DHRSX: variants seen among roughly 807,000 people sequenced by gnomAD.
DHRSX encodes polyprenol dehydrogenase.
A neutral mutation model predicts 34.0 loss-of-function variants in DHRSX; 31 were observed. The ratio of observed to expected loss-of-function variants is 0.91; its 90% CI spans 0.69 to 1.23. The LOEUF (loss-of-function observed/expected upper bound fraction) is 1.23. DHRSX is among the 50% of genes most tolerant of loss of function. The pLI is 0.00. For synonymous variants in DHRSX, 201 were observed against 183.8 expected (o/e 1.09, Z -0.76); for missense variants, 414 against 428.1 (o/e 0.97, Z 0.29).
chrX:2,474,143 C>T (rs1424705002), intron 1 of DHRSX, among the ~76,000 whole-genome samples: 1 of 147,598 alleles, frequency 6.8e-6, no homozygotes, highest in East Asian at 1.9e-4. Flanking sequence ...GACACAGACA[C>T]AGACACTCAG....
At chrX:2,315,358 G>C (rs992269183) in intron 3 of DHRSX, among the ~76,000 whole-genome samples, 2 of 152,072 alleles carry the variant, frequency 1.3e-5, no homozygotes, top group African/African-American at 4.8e-5. Flanking sequence ...GGGTGAGAAA[G>C]GCCTACATCA....
chrX:2,447,435 C>G (rs1257305102), intron 1 of DHRSX, among the ~76,000 whole-genome samples: 1 of 152,172 alleles, frequency 6.6e-6, no homozygotes, highest in Non-Finnish European at 1.5e-5. Flanking sequence ...GGACCGCCAC[C>G]TTGTACACAG....
chrX:2,446,749 C>G (rs1327937954), intron 1 of DHRSX, among the ~76,000 whole-genome samples: 1 of 150,508 alleles, frequency 6.6e-6, no homozygotes. Flanking sequence ...ACACCATGTA[C>G]AGAAGAAGAC....
In DHRSX at chrX:2,461,692, G is replaced by C. The variant is rs189167109; in HGVS notation, c.110-36388C>G. Among the ~76,000 whole-genome samples, 406 of 151,960 alleles carry C rather than the reference G, an allele frequency of 2.7e-3. 3 individuals are homozygous for C. The highest frequency in any genetic ancestry group is 9.2e-3 in the African/African-American group (381 of 41,444). ...AGGTAGCTGTGACCACACACGCGTGGCACCATGTTTGGCTAATTTTTATTT... is the reference window on the plus strand; with the variant it reads ...AGGTAGCTGTGACCACACACGCGTGCCACCATGTTTGGCTAATTTTTATTT... On this transcript the variant is annotated intron_variant, in intron 1 of 6. Coordinates refer to ENST00000334651, the MANE Select transcript of DHRSX (RefSeq NM_145177.3).
At chrX:2,464,238 G>A (rs1243291900) in intron 1 of DHRSX, among the ~76,000 whole-genome samples, 2 of 150,132 alleles carry the variant, frequency 1.3e-5, no homozygotes, top group Non-Finnish European at 1.5e-5. Context: ...CCCTAAGCAC[G>A]TGGCCCAAGG....
rs369633810 is a variant in DHRSX at position 2,233,707 on chromosome X, T to G, written c.804+9316A>C. On this transcript the variant is annotated intron_variant, in intron 6 of 6. Transcript: ENST00000334651. ...GGAAGAGAATTTCAGAAATAACCCC[T>G]GCTGCCCAGGAGCTTCCAATAGACA... is the stretch of plus-strand genomic sequence containing the variant. Among the ~76,000 whole-genome samples, 19 of 152,052 alleles carry G rather than the reference T, an allele frequency of 1.2e-4. No individual in the cohort carries two copies. In the East Asian group the frequency reaches 3.7e-3, roughly 29 times the overall value.
rs577326398 is a variant in DHRSX, at chrX:2,266,842, G to T, written c.494C>A (p.Thr165Lys). 6.2e-7 allele frequency: 1 copy of T among 1,613,976 alleles called. No individual in the cohort carries two copies. Among genetic ancestry groups the T allele is most frequent in the Non-Finnish European group, 8.5e-7 (1 of 1,179,852 alleles). ...HFLLTNLLLD[T>K]LKESGSPGHS... Reference sequence around the variant, plus strand: ...GCCAGGGGACCCAGACTCTTTCAGCGTATCCAAGAGAAGGTTGGTCAGCAG... The same window carrying T: ...GCCAGGGGACCCAGACTCTTTCAGCTTATCCAAGAGAAGGTTGGTCAGCAG... Residue 165 changes from threonine (T) to lysine (K), a missense_variant, in exon 5 of 7, where the codon ACG becomes AAG. Coordinates refer to ENST00000334651, the MANE Select transcript of DHRSX (RefSeq NM_145177.3).
At chrX:2,248,234 C>A (rs969877813) in intron 5 of DHRSX, among the ~76,000 whole-genome samples, 7 of 152,016 alleles carry the variant, frequency 4.6e-5, no homozygotes, top group African/African-American at 1.4e-4. Context: ...GAGATCGAGA[C>A]TATCTTGGCT....
intron 3 of DHRSX, among the ~76,000 whole-genome samples, chrX:2,387,662 GTCC>G (rs2043286994): frequency 6.6e-6 from 1 of 151,942 alleles, no homozygotes; most frequent in Non-Finnish European, 1.5e-5. Context: ...AAATGTTAAT[GTCC>G]TTTGGCAACA....
intron 5 of DHRSX, among the ~76,000 whole-genome samples, chrX:2,265,883 G>GTCC (rs2041455883): frequency 3.6e-5 from 5 of 140,462 alleles, no homozygotes; most frequent in Admixed American, 3.5e-4. Context: ...CCAATGCTCG[G>GTCC]CGGACACAGG....
At chrX:2,384,290 T>C (rs2043245453) in intron 3 of DHRSX, among the ~76,000 whole-genome samples, 1 of 152,102 alleles carries the variant, frequency 6.6e-6, no homozygotes. Context: ...TCAAATACAT[T>C]CCTGCACTTG....
chrX:2,350,747 C>T (rs1159901444), intron 3 of DHRSX, among the ~76,000 whole-genome samples: 1 of 152,002 alleles, frequency 6.6e-6, no homozygotes, highest in Non-Finnish European at 1.5e-5. Flanking sequence ...TCATGGTAAG[C>T]GTTTGACCGT....
intron 1 of DHRSX, among the ~76,000 whole-genome samples, chrX:2,498,763 T>C (rs2045343562): frequency 6.6e-6 from 1 of 152,180 alleles, no homozygotes; most frequent in South Asian, 2.1e-4. Flanking sequence ...TAAGGAGGTT[T>C]AAGGGGACCT....
At chrX:2,227,197 C>T (rs146789364) in intron 6 of DHRSX, among the ~76,000 whole-genome samples, 2,270 of 152,024 alleles carry the variant, frequency 0.015, 30 homozygotes, top group Non-Finnish European at 0.025. Flanking sequence ...GAATCCTGCA[C>T]CTGCTGGGAA....
intron 1 of DHRSX, among the ~76,000 whole-genome samples, chrX:2,474,779 CT>C (rs1194393907): frequency 1.3e-5 from 2 of 150,764 alleles, no homozygotes; most frequent in African/African-American, 4.9e-5. Context: ...AAGACGTTCC[CT>C]AAGCATGTGG....
intron 3 of DHRSX, among the ~76,000 whole-genome samples, chrX:2,343,491 C>T (rs1212633920): frequency 6.6e-6 from 1 of 152,208 alleles, no homozygotes; most frequent in Non-Finnish European, 1.5e-5. Context: ...GTTAAGGACA[C>T]AACCAAACAC....
intron 4 of DHRSX, among the ~76,000 whole-genome samples, chrX:2,275,518 A>C (rs941505179): frequency 7.9e-5 from 12 of 151,628 alleles, no homozygotes; most frequent in South Asian, 2.1e-4. Context: ...TCAAAACAAA[A>C]AAAAAAAAGG....
chrX:2,383,906 A>C (rs1169890933), intron 3 of DHRSX, among the ~76,000 whole-genome samples: 1 of 152,254 alleles, frequency 6.6e-6, no homozygotes, highest in African/African-American at 2.4e-5. Context: ...ACATGTGCAC[A>C]GCTACAGCAA....
At chrX:2,286,448 G>A (rs777247305) in intron 4 of DHRSX, among the ~76,000 whole-genome samples, 1 of 152,344 alleles carries the variant, frequency 6.6e-6, no homozygotes, top group South Asian at 2.1e-4. Context: ...GGCTTGAGGA[G>A]CACTTATCCC....
Sources: gnomAD v4.1 joint callset for allele counts (sites outside exome capture counted in the v4.1 genomes callset) on GRCh38, gnomAD v4.1.1 for gene constraint, MANE v1.5 for transcripts, NCBI Gene and HGNC (gene_info 2026-07-23, HGNC 2026-07-21) for gene names.